MACROD2: variants seen among roughly 807,000 people sequenced by gnomAD.
The protein encoded by MACROD2 is ADP-ribose glycohydrolase MACROD2.
MACROD2 carries 36 observed loss-of-function variants against 70.4 expected under a neutral mutation model. The ratio of observed to expected loss-of-function variants is 0.51; its 90% CI spans 0.39 to 0.68. MACROD2 has a LOEUF of 0.68. MACROD2 is among the 30% of genes least tolerant of loss of function. The pLI, the probability that MACROD2 is intolerant of heterozygous loss-of-function variation, is 0.00. For synonymous variants in MACROD2, 172 were observed against 178.8 expected (o/e 0.96, Z 0.30); for missense variants, 496 against 538.4 (o/e 0.92, Z 0.78).
At chr20:15,354,982 A>ACAACCACACTAACAG (rs2078270386) in intron 6 of MACROD2, among the ~76,000 whole-genome samples, 1 of 152,034 alleles carries the variant, frequency 6.6e-6, no homozygotes, top group Non-Finnish European at 1.5e-5. Flanking sequence ...CTAACAGGTG[A>ACAACCACACTAACAG]CACTAATATT....
intron 5 of MACROD2, among the ~76,000 whole-genome samples, chr20:14,957,647 C>T (rs748473439): frequency 1.3e-5 from 2 of 152,146 alleles, no homozygotes; most frequent in Non-Finnish European, 2.9e-5. Flanking sequence ...TGATGTCTGA[C>T]CCAGGCTGGA....
At chr20:16,002,047 T>C (rs979892607) in intron 15 of MACROD2, among the ~76,000 whole-genome samples, 9 of 151,630 alleles carry the variant, frequency 5.9e-5, no homozygotes, top group African/African-American at 2.2e-4. Context: ...GTGTCTTATA[T>C]ATATATATAT....
intron 6 of MACROD2, among the ~76,000 whole-genome samples, chr20:15,261,280 G>A (rs1232732550): frequency 1.3e-5 from 2 of 151,768 alleles, no homozygotes; most frequent in Admixed American, 6.6e-5. Context: ...ATATTCTATT[G>A]TCCATGTGAC....
At chr20:15,900,996 G>T (rs1302818809) in intron 10 of MACROD2, among the ~76,000 whole-genome samples, 1 of 152,192 alleles carries the variant, frequency 6.6e-6, no homozygotes, top group Non-Finnish European at 1.5e-5. Context: ...TTTGAAACAA[G>T]AAGAGCTCCC....
intron 6 of MACROD2, among the ~76,000 whole-genome samples, chr20:15,391,927 T>C (rs2045798061): frequency 1.3e-5 from 2 of 151,902 alleles, no homozygotes; most frequent in African/African-American, 4.9e-5. Flanking sequence ...CAAACTATTA[T>C]TTAATGTAAG....
chr20:15,259,985 A>AT (rs916515659), intron 6 of MACROD2, among the ~76,000 whole-genome samples: 5 of 151,558 alleles, frequency 3.3e-5, no homozygotes, highest in Admixed American at 2.0e-4. Flanking sequence ...CTCTCCTGAA[A>AT]TTTTTTTTAT....
rs117217780 is a variant in MACROD2 at position 14,311,821 on chromosome 20, A to G, written c.272-181658A>G. On this transcript the variant is annotated intron_variant, in intron 3 of 17. Coordinates refer to ENST00000684519, the MANE Select transcript of MACROD2 (RefSeq NM_001351661.2). Reference sequence around the variant, plus strand: ...GCGTGAGCCACCGCACCCGGCCTGTATGCATATCTTTGTTGAGGACGTTCT... The same window carrying G: ...GCGTGAGCCACCGCACCCGGCCTGTGTGCATATCTTTGTTGAGGACGTTCT... Among the ~76,000 whole-genome samples, 1,313 of 152,186 alleles carry G rather than the reference A, an allele frequency of 8.6e-3. 12 individuals are homozygous for G. Among genetic ancestry groups the G allele is most frequent in the Non-Finnish European group, 0.015 (991 of 67,988 alleles).
chr20:15,904,939 G>T (rs1315514513), intron 10 of MACROD2, among the ~76,000 whole-genome samples: 1 of 151,418 alleles, frequency 6.6e-6, no homozygotes, highest in East Asian at 1.9e-4. Flanking sequence ...TGGGGGAGAG[G>T]GAGAAAAAGG....
At chr20:15,031,780 C>T (rs1338056140) in intron 5 of MACROD2, among the ~76,000 whole-genome samples, 1 of 152,152 alleles carries the variant, frequency 6.6e-6, no homozygotes, top group African/African-American at 2.4e-5. Flanking sequence ...ACCATAAATT[C>T]TCTCTGGGCC....
At chr20:15,132,321 GA>G (rs1601116347) in intron 5 of MACROD2, among the ~76,000 whole-genome samples, 1 of 151,656 alleles carries the variant, frequency 6.6e-6, no homozygotes, top group African/African-American at 2.4e-5. Context: ...AGATTACGTA[GA>G]AAAAAAATTA....
chr20:14,039,127 G>T (rs2053355299), intron 2 of MACROD2, among the ~76,000 whole-genome samples: 1 of 151,962 alleles, frequency 6.6e-6, no homozygotes. Flanking sequence ...GATTGGTGAG[G>T]GTGGAAATAT....
At chr20:15,951,352 A>ACACACAC (rs1414285468) in intron 12 of MACROD2, among the ~76,000 whole-genome samples, 2,375 of 91,914 alleles carry the variant, frequency 0.026, 30 homozygotes, top group Non-Finnish European at 0.046. Flanking sequence ...CACACACACA[A>ACACACAC]AGAGAGAGAG....
intron 12 of MACROD2, among the ~76,000 whole-genome samples, chr20:15,943,456 G>C (rs2065778608): frequency 1.3e-5 from 2 of 152,104 alleles, no homozygotes; most frequent in African/African-American, 4.8e-5. Flanking sequence ...CCTGTGCCCT[G>C]GATCTGCATT....
intron 8 of MACROD2, among the ~76,000 whole-genome samples, chr20:15,665,314 G>A (rs1385964530): frequency 6.6e-6 from 1 of 152,118 alleles, no homozygotes; most frequent in Admixed American, 6.6e-5. Context: ...ACTTATGGTC[G>A]GCAGTATATT....
At chr20:14,250,138 T>C (rs1016965019) in intron 3 of MACROD2, among the ~76,000 whole-genome samples, 2 of 147,838 alleles carry the variant, frequency 1.4e-5, no homozygotes, top group Non-Finnish European at 3.0e-5. Context: ...CAGCCAAGAC[T>C]GACTATACGT....
intron 5 of MACROD2, among the ~76,000 whole-genome samples, chr20:14,943,161 G>T (rs2074404281): frequency 6.6e-6 from 1 of 152,184 alleles, no homozygotes; most frequent in Non-Finnish European, 1.5e-5. Context: ...TGAATTGAAA[G>T]ACTTTGTCTG....
At chr20:14,148,676 C>G (rs1601281790) in intron 3 of MACROD2, among the ~76,000 whole-genome samples, 1 of 152,290 alleles carries the variant, frequency 6.6e-6, no homozygotes, top group East Asian at 1.9e-4. Context: ...GAAGGGTGTT[C>G]ATGTAAGCAG....
chr20:15,282,263 T>G (rs2077452351), intron 6 of MACROD2, among the ~76,000 whole-genome samples: 1 of 152,244 alleles, frequency 6.6e-6, no homozygotes, highest in Non-Finnish European at 1.5e-5. Context: ...GTGATTAACA[T>G]TTGGCTCCTC....
rs938966639 is a variant in MACROD2 at position 15,259,631 on chromosome 20, A to G, written c.540+29570A>G. Among the ~76,000 whole-genome samples the G allele has an allele frequency of 3.9e-5, 6 of 152,176 alleles. No individual in the cohort carries two copies. In the East Asian group the frequency reaches 9.7e-4, roughly 24 times the overall value. On this transcript the variant is annotated intron_variant, in intron 6 of 17. Transcript: ENST00000684519. ...TTAAACTCTTTCAGAGGAAAATGCAAAAGCAATGAATGTAGAAGGCAGTGA... is the reference window on the plus strand; with the variant it reads ...TTAAACTCTTTCAGAGGAAAATGCAGAAGCAATGAATGTAGAAGGCAGTGA...
Sources: gnomAD v4.1 joint callset for allele counts (sites outside exome capture counted in the v4.1 genomes callset) on GRCh38, gnomAD v4.1.1 for gene constraint, MANE v1.5 for transcripts, NCBI Gene and HGNC (gene_info 2026-07-23, HGNC 2026-07-21) for gene names.